The following PCCA variants were observed in gnomAD, a reference collection of about 807,000 sequenced individuals.
PCCA encodes the protein propionyl-CoA carboxylase subunit alpha, also known as propionyl-CoA carboxylase alpha chain, mitochondrial.
A neutral mutation model predicts 101.3 loss-of-function variants in PCCA; 74 were observed. The ratio of observed to expected loss-of-function variants is 0.73; its 90% CI spans 0.61 to 0.89. The LOEUF is 0.89. Ranked by LOEUF, PCCA falls within the 40% of genes least tolerant of loss-of-function variation. The pLI is 0.00. For synonymous variants in PCCA, 294 were observed against 313.6 expected (o/e 0.94, Z 0.66); for missense variants, 891 against 907.0 (o/e 0.98, Z 0.23).
At chr13:100,206,113 C>T (rs1445363741) in intron 6 of PCCA, among the ~76,000 whole-genome samples, 2 of 151,804 alleles carry the variant, frequency 1.3e-5, no homozygotes, top group African/African-American at 4.8e-5. Flanking sequence ...AATACAGAAA[C>T]ATTTGATAGA....
chr13:100,325,158 G>A (rs1042068215), intron 16 of PCCA, among the ~76,000 whole-genome samples: 3 of 152,172 alleles, frequency 2.0e-5, no homozygotes, highest in African/African-American at 7.2e-5. Flanking sequence ...ACCAGCAGGT[G>A]TGAAAATCTT....
intron 19 of PCCA, among the ~76,000 whole-genome samples, chr13:100,403,264 A>G (rs2077474503): frequency 6.6e-6 from 1 of 152,166 alleles, no homozygotes. Flanking sequence ...GTCAGGTAAT[A>G]GTTGGGGGTT....
chr13:100,371,607 G>T (rs961870595), intron 19 of PCCA, among the ~76,000 whole-genome samples: 1 of 151,992 alleles, frequency 6.6e-6, no homozygotes, highest in Non-Finnish European at 1.5e-5. Flanking sequence ...GGAAATGTCA[G>T]TACTACCTGA....
Position 100,262,648 on chromosome 13 carries a change from G to T in PCCA, c.717-81G>T. ...AATGATAGCTCTATTTGTTTTGTTA[G>T]TCTGACTCTTCTTCTCCTTCTTCCC... On this transcript the variant is annotated intron_variant, in intron 9 of 23. Coordinates refer to ENST00000376285, the MANE Select transcript of PCCA (RefSeq NM_000282.4). 4.0e-6 allele frequency: 3 copies of T among 755,284 alleles called. No individual in the cohort carries two copies. In the South Asian group the frequency reaches 4.4e-5, roughly 11 times the overall value. 46.8% of individuals were successfully genotyped at this position (755,284 alleles called of 1,614,324 possible).
chr13:100,508,513 G>A (rs1281206326), intron 21 of PCCA, among the ~76,000 whole-genome samples: 3 of 152,182 alleles, frequency 2.0e-5, no homozygotes, highest in African/African-American at 7.2e-5. Context: ...GCATTATGTC[G>A]CTGCAATGTA....
At chr13:100,243,173 A>G (rs629509) in intron 8 of PCCA, among the ~76,000 whole-genome samples, 109,802 of 152,192 alleles carry the variant, frequency 0.72, 41,036 homozygotes, top group African/African-American at 0.93. Context: ...TGGGATTACA[A>G]GTGTAAGCCA....
At chr13:100,105,346 G>A (rs1288897287) in intron 2 of PCCA, among the ~76,000 whole-genome samples, 1 of 152,104 alleles carries the variant, frequency 6.6e-6, no homozygotes, top group African/African-American at 2.4e-5. Flanking sequence ...ATGCTTTGGG[G>A]TTCATGTATC....
intron 8 of PCCA, among the ~76,000 whole-genome samples, chr13:100,237,936 TTTC>T (rs1398324650): frequency 4.9e-4 from 52 of 106,566 alleles, no homozygotes; most frequent in African/African-American, 1.6e-3. Flanking sequence ...TCTTTCTTTC[TTTC>T]TTTTTTTTTT....
chr13:100,514,779 G>T (rs1412136204), intron 21 of PCCA, among the ~76,000 whole-genome samples: 1 of 152,140 alleles, frequency 6.6e-6, no homozygotes, highest in South Asian at 2.1e-4. Context: ...AGTGCAGAAG[G>T]CTTTCTCATT....
intron 12 of PCCA, among the ~76,000 whole-genome samples, chr13:100,294,925 G>A (rs570280717): frequency 1.3e-5 from 2 of 152,056 alleles, no homozygotes; most frequent in Non-Finnish European, 2.9e-5. Flanking sequence ...TGGTTTCTAA[G>A]CCCTGCAGTC....
chr13:100,461,552 C>T (rs868545120), intron 21 of PCCA, among the ~76,000 whole-genome samples: 1 of 152,168 alleles, frequency 6.6e-6, no homozygotes, highest in Admixed American at 6.5e-5. Flanking sequence ...TTCAGTCTTC[C>T]GTATCTCATA....
At chr13:100,499,966 A>C (rs2085553208) in intron 21 of PCCA, among the ~76,000 whole-genome samples, 1 of 152,188 alleles carries the variant, frequency 6.6e-6, no homozygotes, top group Non-Finnish European at 1.5e-5. Context: ...AAAAGGAATA[A>C]CAGATTCATT....
chr13:100,226,337 C>A (rs1432611896), intron 7 of PCCA, among the ~76,000 whole-genome samples: 2 of 152,004 alleles, frequency 1.3e-5, no homozygotes, highest in Non-Finnish European at 2.9e-5. Context: ...CTTCTAGAAC[C>A]AGCTGTAAAC....
chr13:100,418,904 A>G (rs1381081166), intron 19 of PCCA, among the ~76,000 whole-genome samples: 1 of 151,702 alleles, frequency 6.6e-6, no homozygotes, highest in East Asian at 1.9e-4. Flanking sequence ...GAACTGCTTC[A>G]TGTTTCCCAC....
chr13:100,525,200 A>C (rs552505928), intron 22 of PCCA, among the ~76,000 whole-genome samples: 1 of 152,318 alleles, frequency 6.6e-6, no homozygotes, highest in East Asian at 1.9e-4. Context: ...GGATCGCTTC[A>C]GTGGGGACAC....
intron 2 of PCCA, among the ~76,000 whole-genome samples, chr13:100,105,160 A>G (rs978431019): frequency 6.6e-6 from 1 of 152,228 alleles, no homozygotes. Flanking sequence ...TTCTAAATCC[A>G]GTGTATATTT....
At chr13:100,252,952 A>G (rs756475554) in intron 8 of PCCA, among the ~76,000 whole-genome samples, 1 of 151,878 alleles carries the variant, frequency 6.6e-6, no homozygotes, top group Non-Finnish European at 1.5e-5. Context: ...ACACCTTCCA[A>G]CTTGTTCCTT....
chr13:100,292,799 G>A (rs1481186232), intron 12 of PCCA, among the ~76,000 whole-genome samples: 1 of 152,190 alleles, frequency 6.6e-6, no homozygotes, highest in Non-Finnish European at 1.5e-5. Context: ...GGGTGTTTGT[G>A]TAAGAAGAGT....
chr13:100,314,024 A>G (rs903108553), intron 16 of PCCA, among the ~76,000 whole-genome samples: 3 of 151,764 alleles, frequency 2.0e-5, no homozygotes, highest in African/African-American at 7.3e-5. Flanking sequence ...CGTCTTTCAT[A>G]TTTCATTTCA....
Sources: allele counts gnomAD v4.1 joint callset (sites outside exome capture counted in the v4.1 genomes callset), GRCh38; gene constraint gnomAD v4.1.1; transcripts MANE v1.5; gene names NCBI Gene and HGNC (gene_info 2026-07-23, HGNC 2026-07-21).